TRPM2: variants seen among roughly 807,000 people sequenced by gnomAD.
TRPM2 encodes estrogen-responsive element-associated gene 1 protein.
Under a neutral mutation model 174.0 loss-of-function variants are expected in TRPM2, and 161 were observed. The observed-to-expected ratio is 0.93, with a 90% CI of 0.81 to 1.05. TRPM2 has a LOEUF of 1.05. Among genes scored for constraint, TRPM2 ranks in the 50% least tolerant of loss-of-function variants. The pLI is 0.00. For synonymous variants in TRPM2, 954 were observed against 861.3 expected (o/e 1.11, Z -1.88); for missense variants, 2,057 against 2,038.0 (o/e 1.01, Z -0.18).
chr21:44,403,737 G>A (rs1400874759), intron 16 of TRPM2, among the ~76,000 whole-genome samples: 1 of 145,618 alleles, frequency 6.9e-6, no homozygotes, highest in East Asian at 2.0e-4. Context: ...ACACATACAT[G>A]CATATAGAGA....
At chr21:44,358,871 G>A (rs1477955694) in intron 2 of TRPM2, among the ~76,000 whole-genome samples, 1 of 152,202 alleles carries the variant, frequency 6.6e-6, no homozygotes, top group Non-Finnish European at 1.5e-5. Context: ...CACAGCTCTT[G>A]AAGATGGCAG....
chr21:44,413,248 T>A (rs1023723201), intron 19 of TRPM2, among the ~76,000 whole-genome samples: 23 of 147,088 alleles, frequency 1.6e-4, no homozygotes, highest in African/African-American at 3.0e-4. Context: ...TTTTTTTTTT[T>A]AATTTTTGAG....
At chr21:44,403,742 TAG>T (rs1601163916) in intron 16 of TRPM2, among the ~76,000 whole-genome samples, 1 of 145,594 alleles carries the variant, frequency 6.9e-6, no homozygotes, top group East Asian at 2.1e-4. Flanking sequence ...TACATGCATA[TAG>T]AGATGCACAC....
intron 30 of TRPM2, among the ~76,000 whole-genome samples, chr21:44,440,314 A>AGAGATTCCGTCTC (rs1569125810): frequency 9.4e-4 from 4 of 4,260 alleles, no homozygotes; most frequent in African/African-American, 2.0e-3. Flanking sequence ...CAAAAAAAAA[A>AGAGATTCCGTCTC]AAAAAAAAAA....
At chr21:44,440,648 G>A in intron 30 of TRPM2, 141 bp from the exon 31 acceptor site, 1 of 739,420 alleles carries the variant, frequency 1.4e-6, no homozygotes, top group Non-Finnish European at 2.4e-6. Context: ...CAGGCTGGCG[G>A]GGGCTGGGGA....
rs530831960 is a variant in TRPM2, at chr21:44,404,254, T to C, written c.2539-888T>C. Among the ~76,000 whole-genome samples, 4 of 151,468 alleles carry C rather than the reference T, an allele frequency of 2.6e-5. No individual in the cohort carries two copies. In the South Asian group the frequency reaches 8.3e-4, roughly 32 times the overall value. ...ACACATGCACACACACAAACATGCATACATACACAATACATGCAAATGTAT... is the reference window on the plus strand; with the variant it reads ...ACACATGCACACACACAAACATGCACACATACACAATACATGCAAATGTAT... On this transcript the variant is annotated intron_variant, in intron 16 of 31. Coordinates refer to ENST00000397928, the MANE Select transcript of TRPM2 (RefSeq NM_003307.4).
At chr21:44,409,687 G>A (rs8127232) in intron 19 of TRPM2, among the ~76,000 whole-genome samples, 50,954 of 72,658 alleles carry the variant, frequency 0.7, 21,493 homozygotes, top group Non-Finnish European at 0.76. Flanking sequence ...GCCTTGTAGT[G>A]AGTTTTGACC....
rs2051405922 is a variant in TRPM2 at position 44,439,428 on chromosome 21, G to GGGC, written c.4269+261_4269+263dup. 6.6e-6 allele frequency among the ~76,000 whole-genome samples: 1 copy of GGGC among 152,144 alleles called. No individual in the cohort carries two copies. The highest frequency in any genetic ancestry group is 6.5e-5 in the Admixed American group (1 of 15,288). ...TTCTCCTCTCTAAATCAAGGGGGATGGGCTGAGGACCCTTGCTGCCTTCGA... is the reference window on the plus strand; with the variant it reads ...TTCTCCTCTCTAAATCAAGGGGGATGGGCGGCTGAGGACCCTTGCTGCCTTCGA... On this transcript the variant is annotated intron_variant, in intron 30 of 31. Coordinates refer to ENST00000397928, the MANE Select transcript of TRPM2 (RefSeq NM_003307.4). This position sits in a 1 kb window ranked among gnomAD's most constrained non-coding sequence, Gnocchi z 5.1.
chr21:44,440,573 C>T (rs1201358932), intron 30 of TRPM2, among the ~76,000 whole-genome samples: 1 of 152,248 alleles, frequency 6.6e-6, no homozygotes, highest in Non-Finnish European at 1.5e-5. Context: ...AAGATCTCTG[C>T]AGGGCAAGGA....
intron 22 of TRPM2, among the ~76,000 whole-genome samples, chr21:44,419,875 A>ATGGTGG (rs369550654): frequency 6.9e-6 from 1 of 144,542 alleles, no homozygotes; most frequent in Non-Finnish European, 1.5e-5. Flanking sequence ...GGTAGCGGTG[A>ATGGTGG]TGGTGGTGGT....
chr21:44,406,432 C>T (rs928048942), intron 18 of TRPM2, among the ~76,000 whole-genome samples, 162 bp from the exon 19 acceptor site: 2 of 152,128 alleles, frequency 1.3e-5, no homozygotes, highest in Non-Finnish European at 2.9e-5. Context: ...CGGCAGTCCA[C>T]GAGGGTGTGG....
In TRPM2 at chr21:44,391,146, A is replaced by C. The variant is rs561804127; in HGVS notation, c.1440+121A>C. On this transcript the variant is annotated intron_variant, in intron 10 of 31. Coordinates refer to ENST00000397928, the MANE Select transcript of TRPM2 (RefSeq NM_003307.4). This position sits in a 1 kb window ranked among gnomAD's most constrained non-coding sequence, Gnocchi z 5.0. Reference sequence around the variant, plus strand: ...CCAGCCCTTCCCTTGAGGGTGGGTGACCTGGGCAGCTTTCATCCTCCCCAG... The same window carrying C: ...CCAGCCCTTCCCTTGAGGGTGGGTGCCCTGGGCAGCTTTCATCCTCCCCAG... 2.3e-3 allele frequency: 3,561 copies of C among 1,555,116 alleles called. 3 individuals carry two copies. The highest frequency in any genetic ancestry group is 2.9e-3 in the Middle Eastern group (17 of 5,800).
rs771749510 is a variant in TRPM2 at position 44,395,389 on chromosome 21, G to A, written c.1795-25G>A. On this transcript the variant is annotated intron_variant, in intron 11 of 31. Transcript: ENST00000397928. ...CTCTGAGCCAGGCGGCCCGGCTGGG[G>A]CTCTGACAGTTCACTGCTCACCAGG... is the stretch of plus-strand genomic sequence containing the variant. The A allele has an allele frequency of 3.1e-6, 5 of 1,611,610 alleles. No individual in the cohort carries two copies. The East Asian group carries it at 1.1e-4, about 36-fold the overall frequency.
chr21:44,397,442 C>T (rs907093810), intron 12 of TRPM2, among the ~76,000 whole-genome samples: 3 of 152,208 alleles, frequency 2.0e-5, no homozygotes, highest in Non-Finnish European at 4.4e-5. Flanking sequence ...TGGTGCCGCC[C>T]TCTGCAGCTC....
chr21:44,396,102 C>G (rs1179602436), intron 12 of TRPM2, among the ~76,000 whole-genome samples: 1 of 4,964 alleles, frequency 2.0e-4, no homozygotes. Context: ...GTGTGGAGGG[C>G]TGTGGAGGGG....
chr21:44,421,490 G>A (rs890635787), intron 22 of TRPM2, among the ~76,000 whole-genome samples: 10 of 152,088 alleles, frequency 6.6e-5, no homozygotes, highest in Non-Finnish European at 1.3e-4. Flanking sequence ...AACTTTGCAG[G>A]CCAGGCACAG....
chr21:44,367,322 G>A lies in TRPM2; in HGVS notation c.604+388G>A, dbSNP rs1231771484. Among the ~76,000 whole-genome samples, 1 of 152,200 alleles carries A rather than the reference G, an allele frequency of 6.6e-6. No individual in the cohort carries two copies. Among genetic ancestry groups the A allele is most frequent in the East Asian group, 1.9e-4 (1 of 5,196 alleles). ...CCTCGGTGGCCTGGGTGCACGGCTG[G>A]GGCCAGCACTGCAGGCCATTTGTAG... is the stretch of plus-strand genomic sequence containing the variant. On this transcript the variant is annotated intron_variant, in intron 4 of 31. Coordinates refer to ENST00000397928, the MANE Select transcript of TRPM2 (RefSeq NM_003307.4). The surrounding 1 kb of genome is among the most constrained non-coding windows in gnomAD (Gnocchi z 4.6).
intron 27 of TRPM2, among the ~76,000 whole-genome samples, chr21:44,429,479 G>A (rs533422564): frequency 2.6e-5 from 4 of 151,450 alleles, no homozygotes; most frequent in South Asian, 2.1e-4. Context: ...TAGAGATGGG[G>A]TTTCACCATG....
chr21:44,412,416 CTTTTTG>C (rs923931245), intron 19 of TRPM2, among the ~76,000 whole-genome samples: 1 of 151,856 alleles, frequency 6.6e-6, no homozygotes, highest in Non-Finnish European at 1.5e-5. Flanking sequence ...AGTTCTTTTT[CTTTTTG>C]TAAGATTAGT....
Sources: gnomAD v4.1 joint callset for allele counts (sites outside exome capture counted in the v4.1 genomes callset) on GRCh38, gnomAD v4.1.1 for gene constraint, Gnocchi (gnomAD v3.1) non-coding constraint, MANE v1.5 for transcripts, NCBI Gene and HGNC (gene_info 2026-07-23, HGNC 2026-07-21) for gene names.